NTM: variants seen among roughly 807,000 people sequenced by gnomAD.
NTM encodes the protein neurotrimin.
Under a neutral mutation model 42.1 loss-of-function variants are expected in NTM, and 13 were observed. The ratio of observed to expected loss-of-function variants is 0.31; its 90% CI spans 0.20 to 0.49. NTM has a LOEUF of 0.49. Ranked by LOEUF, NTM falls within the 20% of genes least tolerant of loss-of-function variation. The pLI is 0.99. For synonymous variants in NTM, 187 were observed against 179.2 expected (o/e 1.04, Z -0.35); for missense variants, 373 against 452.8 (o/e 0.82, Z 1.60).
intron 1 of NTM, among the ~76,000 whole-genome samples, chr11:131,816,002 A>G (rs1468498917): frequency 6.6e-6 from 1 of 152,106 alleles, no homozygotes; most frequent in African/African-American, 2.4e-5. Flanking sequence ...TTCCATTTCA[A>G]CCTTTGAAAA....
chr11:131,445,257 G>A (rs894880510), intron 1 of NTM, among the ~76,000 whole-genome samples: 4 of 152,100 alleles, frequency 2.6e-5, no homozygotes, highest in Non-Finnish European at 5.9e-5. Context: ...TACCCCTAAG[G>A]GTATGTATAC....
intron 1 of NTM, among the ~76,000 whole-genome samples, chr11:131,409,899 CT>C (rs1946188101): frequency 6.6e-6 from 1 of 152,122 alleles, no homozygotes; most frequent in Admixed American, 6.5e-5. Context: ...AAGGGCTAAT[CT>C]TTTGTTAGCA....
At chr11:132,209,508 G>T (rs2082494412) in intron 3 of NTM, among the ~76,000 whole-genome samples, 1 of 152,206 alleles carries the variant, frequency 6.6e-6, no homozygotes, top group East Asian at 1.9e-4. Flanking sequence ...CTTACTCTGT[G>T]TAACATACCC....
chr11:131,403,299 C>T (rs1437601499), intron 1 of NTM, among the ~76,000 whole-genome samples: 1 of 152,114 alleles, frequency 6.6e-6, no homozygotes, highest in Non-Finnish European at 1.5e-5. Context: ...ACACATAAAC[C>T]CCCAGTTTTT....
chr11:131,921,717 AG>A (rs2138240928), intron 2 of NTM, among the ~76,000 whole-genome samples: 1 of 152,312 alleles, frequency 6.6e-6, no homozygotes, highest in Non-Finnish European at 1.5e-5. Flanking sequence ...GAAGTGCCAG[AG>A]TCCAGAATGC....
chr11:131,763,922 G>A lies in NTM; in HGVS notation c.83-147642G>A, dbSNP rs1426355611. On this transcript the variant is annotated intron_variant, in intron 1 of 8. Coordinates refer to ENST00000683400, the MANE Select transcript of NTM (RefSeq NM_001352005.2). ...TCAAGACATGTAAGTTTTATTTATC[G>A]TTTCCATTGAGGAGCAATAATTATG... Among the ~76,000 whole-genome samples, 49 of 151,118 alleles carry A rather than the reference G, an allele frequency of 3.2e-4. 1 individual carries two copies. The highest frequency in any genetic ancestry group is 2.8e-3 in the Admixed American group (43 of 15,142).
rs921286437 is a variant in NTM at position 131,618,740 on chromosome 11, G to T, written c.82+247852G>T. 2.6e-5 allele frequency among the ~76,000 whole-genome samples: 4 copies of T among 152,310 alleles called. No homozygotes were observed. In the East Asian group the frequency reaches 7.7e-4, roughly 29 times the overall value. On this transcript the variant is annotated intron_variant, in intron 1 of 8. Transcript: ENST00000683400. Reference sequence around the variant, plus strand: ...TTCAGGGATAAGTAAGTATTGAAAAGCCAACGTGTTCTGGAAGCAGAAGGC... The same window carrying T: ...TTCAGGGATAAGTAAGTATTGAAAATCCAACGTGTTCTGGAAGCAGAAGGC...
intron 1 of NTM, among the ~76,000 whole-genome samples, chr11:131,372,768 AT>A (rs1261373767): frequency 2.6e-5 from 4 of 151,398 alleles, no homozygotes; most frequent in African/African-American, 9.7e-5. Flanking sequence ...GCCATACTGA[AT>A]TTACATATAA....
intron 1 of NTM, among the ~76,000 whole-genome samples, chr11:131,846,665 T>C (rs1014731910): frequency 6.6e-6 from 1 of 152,134 alleles, no homozygotes; most frequent in Non-Finnish European, 1.5e-5. Flanking sequence ...TTACTTGCTC[T>C]GTAGTCTAAA....
At chr11:131,411,941 C>T (rs1249049164) in intron 1 of NTM, among the ~76,000 whole-genome samples, 1 of 152,114 alleles carries the variant, frequency 6.6e-6, no homozygotes, top group Non-Finnish European at 1.5e-5. Context: ...AAACCCCTTG[C>T]ATGGTTAGAT....
At chr11:132,268,355 A>T (rs753336198) in intron 4 of NTM, among the ~76,000 whole-genome samples, 2 of 152,184 alleles carry the variant, frequency 1.3e-5, no homozygotes, top group African/African-American at 2.4e-5. Flanking sequence ...TATCACAACC[A>T]TGCAAAGTAG....
Position 132,316,357 on chromosome 11 carries a change from A to C in NTM, c.934+1654A>C, listed in dbSNP as rs138019154. On this transcript the variant is annotated intron_variant, in intron 7 of 8. Transcript: ENST00000683400. ...TCTTTTCAGCAGGCACACATGTAGC[A>C]ATTACAATGTCTACTTCCCATGCCC... 1.4e-3 allele frequency among the ~76,000 whole-genome samples: 217 copies of C among 152,324 alleles called. 1 individual carries two copies. Among genetic ancestry groups the C allele is most frequent in the African/African-American group, 5.1e-3 (214 of 41,572 alleles).
intron 1 of NTM, among the ~76,000 whole-genome samples, chr11:131,686,619 C>G (rs1019293103): frequency 6.6e-6 from 1 of 152,074 alleles, no homozygotes; most frequent in African/African-American, 2.4e-5. Flanking sequence ...GTAACTTTTA[C>G]TTTATGTGGA....
chr11:131,534,552 T>C (rs1039474760), intron 1 of NTM: 3 of 152,192 alleles, frequency 2.0e-5, no homozygotes, highest in Non-Finnish European at 2.9e-5. Flanking sequence ...TGGTACATCA[T>C]AGGTTTTCAA....
intron 3 of NTM, among the ~76,000 whole-genome samples, chr11:132,174,835 G>A (rs1324171541): frequency 6.6e-6 from 1 of 152,124 alleles, no homozygotes. Flanking sequence ...CTTCACGTCT[G>A]TTTGTGTTCA....
At chr11:131,632,613 C>T (rs1419500318) in intron 1 of NTM, among the ~76,000 whole-genome samples, 1 of 146,364 alleles carries the variant, frequency 6.8e-6, no homozygotes, top group African/African-American at 2.5e-5. Context: ...CCCCCCTTTT[C>T]TGGAATATGT....
intron 1 of NTM, among the ~76,000 whole-genome samples, chr11:131,482,545 C>T (rs1235788511): frequency 6.6e-6 from 1 of 152,176 alleles, no homozygotes; most frequent in Non-Finnish European, 1.5e-5. Context: ...TGGGATGTGT[C>T]CTCCCTCCAT....
rs746863167 is a variant in NTM at position 132,002,593 on chromosome 11, C to G, written c.167+90945C>G. Among the ~76,000 whole-genome samples the G allele has an allele frequency of 6.6e-6, 1 of 152,190 alleles. No individual in the cohort carries two copies. The highest frequency in any genetic ancestry group is 1.5e-5 in the Non-Finnish European group (1 of 68,028). ...AGGCTTCTGGCCATTGCTTGAATAA[C>G]TTTCTGCCTCTAGTATCCCCAAACT... On this transcript the variant is annotated intron_variant, in intron 2 of 8. Coordinates refer to ENST00000683400, the MANE Select transcript of NTM (RefSeq NM_001352005.2). This position sits in a 1 kb window ranked among gnomAD's most constrained non-coding sequence, Gnocchi z 4.5.
chr11:131,785,779 A>G (rs1565544118), intron 1 of NTM, among the ~76,000 whole-genome samples: 1 of 152,208 alleles, frequency 6.6e-6, no homozygotes, highest in Non-Finnish European at 1.5e-5. Context: ...CTAACAATAC[A>G]ATGCAAGTAG....
Sources: gnomAD v4.1 joint callset for allele counts (sites outside exome capture counted in the v4.1 genomes callset) on GRCh38, gnomAD v4.1.1 for gene constraint, Gnocchi (gnomAD v3.1) non-coding constraint, MANE v1.5 for transcripts, NCBI Gene and HGNC (gene_info 2026-07-23, HGNC 2026-07-21) for gene names.